Variants in GALNT9 observed in about 807,000 individuals in gnomAD.
The protein encoded by GALNT9 is polypeptide N-acetylgalactosaminyltransferase 9, also known as GalNAc transferase 9.
In GALNT9, 47 loss-of-function variants were observed where a neutral mutation model predicts 63.1. The ratio of observed to expected loss-of-function variants is 0.75; its 90% CI spans 0.59 to 0.95. The LOEUF (loss-of-function observed/expected upper bound fraction) is 0.95, where lower values mean the gene tolerates loss of function less well. GALNT9 is among the 40% of genes least tolerant of loss of function. The probability of loss-of-function intolerance (pLI) is 0.00; values close to 1 mark genes in which losing one functional copy is unlikely to be tolerated. For missense variants in GALNT9, 829 were observed against 874.8 expected, an observed-to-expected ratio of 0.95 and a Z score of 0.66; for synonymous variants, 396 against 365.7, an observed-to-expected ratio of 1.08 and a Z score of -0.94.
intron 6 of GALNT9, among the ~76,000 whole-genome samples, chr12:132,239,327 G>GAGAGACAGAGTC (rs141857485): frequency 1.6e-5 from 1 of 63,182 alleles, no homozygotes; most frequent in Non-Finnish European, 2.9e-5. Flanking sequence ...GACTGAGAGA[G>GAGAGACAGAGTC]AGAGACAGAG....
rs1295690602 is a variant in GALNT9 at position 132,310,436 on chromosome 12, C to G, written c.238+18530G>C. Among the ~76,000 whole-genome samples, 1 of 152,202 alleles carries G rather than the reference C, an allele frequency of 6.6e-6. No individual in the cohort carries two copies. Among genetic ancestry groups the G allele is most frequent in the East Asian group, 1.9e-4 (1 of 5,194 alleles). ...GGCTGCCTCCCACCCAACAGCCCCACCCAGAAGGACGGGGCCGGCCATCTC... is the reference window on the plus strand; with the variant it reads ...GGCTGCCTCCCACCCAACAGCCCCAGCCAGAAGGACGGGGCCGGCCATCTC... On this transcript the variant is annotated intron_variant, in intron 1 of 10. Transcript: ENST00000328957. This position sits in a 1 kb window ranked among gnomAD's most constrained non-coding sequence, Gnocchi z 4.8.
At chr12:132,318,201 T>A (rs1042663875) in intron 1 of GALNT9, among the ~76,000 whole-genome samples, 1 of 151,764 alleles carries the variant, frequency 6.6e-6, no homozygotes, top group Non-Finnish European at 1.5e-5. Flanking sequence ...TCGAAAAAAT[T>A]AAAAAAATAA....
chr12:132,267,972 A>C (rs1239677493), intron 2 of GALNT9, among the ~76,000 whole-genome samples: 2 of 142,464 alleles, frequency 1.4e-5, no homozygotes, highest in African/African-American at 5.5e-5. Context: ...CATGCACACA[A>C]ACCCACATGA....
At position 132,246,119 on chromosome 12, in the gene GALNT9, C is replaced by G. The variant is rs962849438; in HGVS notation, c.1077+1791G>C. ...GGAGACGGTGAGAGAAGCCGACACC[C>G]GCGTGGGTGCGTTCAATCCACGGCC... On this transcript the variant is annotated intron_variant, in intron 6 of 10. Coordinates refer to ENST00000328957, the MANE Select transcript of GALNT9 (RefSeq NM_001122636.2). This position sits in a 1 kb window ranked among gnomAD's most constrained non-coding sequence, Gnocchi z 4.7. 1.3e-5 allele frequency among the ~76,000 whole-genome samples: 2 copies of G among 152,368 alleles called. No individual in the cohort carries two copies. The highest frequency in any genetic ancestry group is 4.1e-4 in the South Asian group (2 of 4,828).
Position 132,310,433 on chromosome 12 carries a change from C to T in GALNT9, c.238+18533G>A, listed in dbSNP as rs552812894. On this transcript the variant is annotated intron_variant, in intron 1 of 10. Transcript: ENST00000328957. This position sits in a 1 kb window ranked among gnomAD's most constrained non-coding sequence, Gnocchi z 4.8. ...TCAGGCTGCCTCCCACCCAACAGCC[C>T]CACCCAGAAGGACGGGGCCGGCCAT... Among the ~76,000 whole-genome samples, 2 of 152,304 alleles carry T rather than the reference C, an allele frequency of 1.3e-5. No individual in the cohort carries two copies. Among genetic ancestry groups the T allele is most frequent in the African/African-American group, 4.8e-5 (2 of 41,576 alleles).
At chr12:132,261,777 C>A (rs1350700507) in intron 3 of GALNT9, among the ~76,000 whole-genome samples, 1 of 152,256 alleles carries the variant, frequency 6.6e-6, no homozygotes, top group East Asian at 1.9e-4. Flanking sequence ...CGGCTGCAGG[C>A]TCTCTGCTCT....
intron 1 of GALNT9, among the ~76,000 whole-genome samples, chr12:132,322,410 A>G (rs782481852): frequency 6.6e-6 from 1 of 152,268 alleles, no homozygotes; most frequent in Non-Finnish European, 1.5e-5. Flanking sequence ...CATGCGGCAC[A>G]TGAGGTGGTG....
chr12:132,278,408 C>T (rs1880195130), intron 2 of GALNT9: 1 of 152,222 alleles, frequency 6.6e-6, no homozygotes, highest in African/African-American at 2.4e-5. Context: ...GGTGTCATCT[C>T]TACATCCACA....
At chr12:132,202,568 CTT>C (rs1876240836) in intron 7 of GALNT9, among the ~76,000 whole-genome samples, 1 of 152,204 alleles carries the variant, frequency 6.6e-6, no homozygotes, top group African/African-American at 2.4e-5. Flanking sequence ...AGAAGGGTCA[CTT>C]TGGTGCTACG....
intron 7 of GALNT9, 130 bp downstream of exon 7, chr12:132,203,365 CTTGCACCTGT>C: frequency 1.4e-6 from 1 of 691,922 alleles, no homozygotes; most frequent in Non-Finnish European, 2.4e-6. Flanking sequence ...CACACAACTG[CTTGCACCTGT>C]GCACACCTGT....
chr12:132,301,686 G>A (rs1317159102), intron 1 of GALNT9, among the ~76,000 whole-genome samples: 4 of 152,242 alleles, frequency 2.6e-5, no homozygotes, highest in African/African-American at 7.2e-5. Flanking sequence ...GGCCCCACTC[G>A]CTGGCCAGAG....
At chr12:132,295,059 G>A (rs1211247314) in intron 1 of GALNT9, among the ~76,000 whole-genome samples, 1 of 152,244 alleles carries the variant, frequency 6.6e-6, no homozygotes, top group African/African-American at 2.4e-5. Flanking sequence ...CCCTCTAAAC[G>A]CACTGTGGGA....
At chr12:132,200,886 G>C (rs1876016179) in intron 8 of GALNT9, 2 of 536,998 alleles carry the variant, frequency 3.7e-6, no homozygotes, top group African/African-American at 1.9e-5. Context: ...GCAGGTGCGT[G>C]TGTTTATGTG....
chr12:132,199,282 G>A lies in GALNT9; in HGVS notation c.1402-13C>T. On this transcript the variant is annotated splice_polypyrimidine_tract_variant and intron_variant, in intron 8 of 10. Transcript: ENST00000328957. Reference sequence around the variant, plus strand: ...TGCTGTTTCTCACCTGCAAGCAGAAGCCCCAGGAGAAAGTCCAGAGTCACC... The same window carrying A: ...TGCTGTTTCTCACCTGCAAGCAGAAACCCCAGGAGAAAGTCCAGAGTCACC... The A allele has an allele frequency of 6.3e-7, 1 of 1,585,740 alleles. No individual in the cohort carries two copies. Among genetic ancestry groups the A allele is most frequent in the Non-Finnish European group, 8.6e-7 (1 of 1,163,798 alleles).
At chr12:132,278,661 C>T (rs1677807689) in intron 2 of GALNT9, 1 of 152,222 alleles carries the variant, frequency 6.6e-6, no homozygotes, top group African/African-American at 2.4e-5. Flanking sequence ...TTAAGCATCC[C>T]TTCCCTGCGT....
At chr12:132,207,418 G>A (rs1006850360) in intron 6 of GALNT9, among the ~76,000 whole-genome samples, 6 of 152,224 alleles carry the variant, frequency 3.9e-5, no homozygotes, top group African/African-American at 1.4e-4. Flanking sequence ...GGCCTTCTGT[G>A]GCGCTGGGGC....
At chr12:132,260,303 G>C (rs28550409) in intron 4 of GALNT9, among the ~76,000 whole-genome samples, 68,006 of 151,714 alleles carry the variant, frequency 0.45, 15,627 homozygotes, top group African/African-American at 0.57. Flanking sequence ...CCTTGGAGTC[G>C]GGCCCTGCCC....
At chr12:132,220,790 C>T (rs1182952831) in intron 6 of GALNT9, among the ~76,000 whole-genome samples, 1 of 152,208 alleles carries the variant, frequency 6.6e-6, no homozygotes, top group Non-Finnish European at 1.5e-5. Flanking sequence ...CAGCTGGTGC[C>T]TCACACCTGT....
In GALNT9 at chr12:132,296,740, G is replaced by A. The variant is rs1279009354; in HGVS notation, c.239-10310C>T. On this transcript the variant is annotated intron_variant, in intron 1 of 10. Transcript: ENST00000328957. The surrounding 1 kb of genome is among the most constrained non-coding windows in gnomAD (Gnocchi z 4.2). ...AAAAGACCTTATTTCTCACACTCTG[G>A]GAGGCTGGGAAGTCCAAGATGAAGA... is the stretch of plus-strand genomic sequence containing the variant. Among the ~76,000 whole-genome samples, 1 of 151,988 alleles carries A rather than the reference G, an allele frequency of 6.6e-6. No individual in the cohort carries two copies. The highest frequency in any genetic ancestry group is 1.5e-5 in the Non-Finnish European group (1 of 68,010).
Sources: allele counts gnomAD v4.1 joint callset (sites outside exome capture counted in the v4.1 genomes callset), GRCh38; gene constraint gnomAD v4.1.1; non-coding constraint Gnocchi (gnomAD v3.1); transcripts MANE v1.5; gene names NCBI Gene and HGNC (gene_info 2026-07-23, HGNC 2026-07-21).